Variants in PHYHD1 observed in about 807,000 individuals in gnomAD.
The protein encoded by PHYHD1 is phytanoyl-CoA dioxygenase domain-containing protein 1.
PHYHD1 carries 42 observed loss-of-function variants against 43.6 expected under a neutral mutation model. That is an observed-to-expected ratio of 0.96 (90% CI 0.75 to 1.25). PHYHD1 has a LOEUF of 1.25. PHYHD1 is among the 50% of genes most tolerant of loss of function. PHYHD1 has a pLI of 0.00. For synonymous variants in PHYHD1, 139 were observed against 143.6 expected (o/e 0.97, Z 0.23); for missense variants, 342 against 370.8 (o/e 0.92, Z 0.64).
Position 128,922,276 on chromosome 9 carries a change from C to T in PHYHD1, c.-41-7C>T. 6.5e-7 allele frequency: 1 copy of T among 1,548,928 alleles called. No homozygotes were observed. Among genetic ancestry groups the T allele is most frequent in the Non-Finnish European group, 8.7e-7 (1 of 1,146,214 alleles). On this transcript the variant is annotated splice_region_variant and splice_polypyrimidine_tract_variant and intron_variant, in intron 2 of 12. Coordinates refer to ENST00000372592, the MANE Select transcript of PHYHD1 (RefSeq NM_001100876.2). ...CCCAGGCTCCTAAACTTTCTCCTCC[C>T]CACCAGGAGGCCGCGCTTAGAAGCC...
chr9:128,928,438 C>G (rs564501060), intron 4 of PHYHD1, among the ~76,000 whole-genome samples: 21 of 152,054 alleles, frequency 1.4e-4, no homozygotes, highest in Non-Finnish European at 2.8e-4. Flanking sequence ...CGCAGTGACT[C>G]ACGCCTGTAA....
chr9:128,927,026 G>A lies in PHYHD1; in HGVS notation c.34-12G>A. Reference sequence around the variant, plus strand: ...CAGACTGGGGAAGCCTGAGTCTCAAGCCTGCCTGCAGTTCCAACAGGATGG... The same window carrying A: ...CAGACTGGGGAAGCCTGAGTCTCAAACCTGCCTGCAGTTCCAACAGGATGG... On this transcript the variant is annotated splice_polypyrimidine_tract_variant and intron_variant, in intron 3 of 12. Transcript: ENST00000372592. 1 of 1,614,132 alleles carries A rather than the reference G, an allele frequency of 6.2e-7. No individual in the cohort carries two copies. The highest frequency in any genetic ancestry group is 1.3e-5 in the African/African-American group (1 of 75,062).
chr9:128,935,636 G>A (rs1444904601), intron 6 of PHYHD1, among the ~76,000 whole-genome samples: 1 of 151,694 alleles, frequency 6.6e-6, no homozygotes, highest in Non-Finnish European at 1.5e-5. Context: ...GGGCGCGGTG[G>A]TTCACGCCTG....
At chr9:128,922,103 C>T (rs1313558383) in intron 2 of PHYHD1, 56 bp downstream of exon 2, 8 of 554,778 alleles carry the variant, frequency 1.4e-5, no homozygotes, top group Non-Finnish European at 2.6e-5. Context: ...CAGATAAAAT[C>T]CTTGGAGATG....
chr9:128,927,858 G>A (rs555590920), intron 4 of PHYHD1, among the ~76,000 whole-genome samples: 136 of 152,316 alleles, frequency 8.9e-4, no homozygotes, highest in Admixed American at 1.7e-3. Flanking sequence ...CAGCCACCTG[G>A]AATGAGCACA....
chr9:128,923,653 T>C (rs1040062439), intron 3 of PHYHD1, among the ~76,000 whole-genome samples: 3 of 152,182 alleles, frequency 2.0e-5, no homozygotes, highest in African/African-American at 4.8e-5. Flanking sequence ...AATATCCCCA[T>C]ATGTATATGT....
rs200078338 is a variant in PHYHD1, at chr9:128,941,562, C to T, written c.821C>T (p.Pro274Leu). 63 of 1,614,118 alleles carry T rather than the reference C, an allele frequency of 3.9e-5. No individual in the cohort carries two copies. The highest frequency in any genetic ancestry group is 3.3e-5 in the Admixed American group (2 of 60,016). The change falls in exon 12 of 13, where the codon CCG (proline) becomes CTG (leucine). Residue 274 changes from proline to leucine, a missense_variant. Pro to Leu is a moderately conservative substitution (Grantham distance 98). Transcript: ENST00000372592. Reference sequence around the variant, plus strand: ...GAGGCCTCTGGCACCACCTGGAGCCCGGAGAACTGGTAGGTGACAGGGTGG... The same window carrying T: ...GAGGCCTCTGGCACCACCTGGAGCCTGGAGAACTGGTAGGTGACAGGGTGG... ...LMEASGTTWS[P>L]ENWLQPTAEL...
intron 6 of PHYHD1, among the ~76,000 whole-genome samples, chr9:128,935,346 C>T (rs759769751): frequency 9.2e-5 from 14 of 152,084 alleles, no homozygotes; most frequent in Admixed American, 2.0e-4. Flanking sequence ...ATATCATTGC[C>T]GGGCGTGGTG....
Position 128,936,434 on chromosome 9 carries a change from C to T in PHYHD1, c.317-14C>T, listed in dbSNP as rs1273849990. On this transcript the variant is annotated splice_polypyrimidine_tract_variant and intron_variant, in intron 6 of 12. Coordinates refer to ENST00000372592, the MANE Select transcript of PHYHD1 (RefSeq NM_001100876.2). ...GGCCTGAGATGGGGCCGACAGCTTC[C>T]TTCTGTCCCATAGCTCTGCACGCCC... is the stretch of plus-strand genomic sequence containing the variant. The T allele has an allele frequency of 1.2e-6, 2 of 1,609,090 alleles. No homozygotes were observed. The highest frequency in any genetic ancestry group is 1.7e-6 in the Non-Finnish European group (2 of 1,178,000).
intron 4 of PHYHD1, among the ~76,000 whole-genome samples, chr9:128,932,163 A>ATTTTTTTT (rs1564540363): frequency 3.4e-4 from 42 of 125,318 alleles, no homozygotes; most frequent in African/African-American, 1.4e-3. Context: ...TATTATTATT[A>ATTTTTTTT]TTATTGTTAT....
intron 11 of PHYHD1, 100 bp downstream of exon 11, chr9:128,940,815 A>C: frequency 1.7e-6 from 2 of 1,180,038 alleles, no homozygotes; most frequent in Non-Finnish European, 2.4e-6. Context: ...GGGTCATCTG[A>C]GGGCAGTGAA....
At chr9:128,938,754 A>G (rs1362565775) in intron 9 of PHYHD1, among the ~76,000 whole-genome samples, 1 of 131,002 alleles carries the variant, frequency 7.6e-6, no homozygotes, top group East Asian at 2.1e-4. Context: ...AGTTTCCTGG[A>G]GGACGAATTC....
chr9:128,936,771 C>T (rs1464913949), intron 8 of PHYHD1, 126 bp downstream of exon 8: 6 of 1,145,036 alleles, frequency 5.2e-6, no homozygotes, highest in African/African-American at 3.1e-5. Flanking sequence ...CATGGAAAAT[C>T]GGTCTCCTCT....
At position 128,921,510 on chromosome 9, in the gene PHYHD1, G is replaced by T. The variant is rs1272926512; in HGVS notation, c.-318G>T. On this transcript the variant is annotated 5_prime_UTR_variant, in exon 1 of 13. The change creates a new upstream start codon in the 5' untranslated region. Coordinates refer to ENST00000372592, the MANE Select transcript of PHYHD1 (RefSeq NM_001100876.2). ...AGACGGGGTTTCACCGTGTTAGCCAGGATGGTCTCGATTTCCTGACCTCGT... is the reference window on the plus strand; with the variant it reads ...AGACGGGGTTTCACCGTGTTAGCCATGATGGTCTCGATTTCCTGACCTCGT... 1.3e-5 allele frequency: 2 copies of T among 152,292 alleles called. No individual in the cohort carries two copies. The highest frequency in any genetic ancestry group is 4.8e-5 in the African/African-American group (2 of 41,460). The allele number at this position is 152,292 out of a possible 1,614,324, so 9.4% of individuals were successfully genotyped here.
chr9:128,940,331 A>G, intron 9 of PHYHD1, 38 bp from the exon 10 acceptor site: 1 of 1,610,964 alleles, frequency 6.2e-7, no homozygotes, highest in South Asian at 1.1e-5. Flanking sequence ...GGAAACAGGC[A>G]AAAGGATGAG....
rs1310386156 is a variant in PHYHD1, at chr9:128,941,640, A to C, written c.831-28A>C. The C allele has an allele frequency of 1.9e-6, 3 of 1,613,996 alleles. No homozygotes were observed. In the South Asian group the frequency reaches 3.3e-5, roughly 18 times the overall value. On this transcript the variant is annotated intron_variant, in intron 12 of 12. Coordinates refer to ENST00000372592, the MANE Select transcript of PHYHD1 (RefSeq NM_001100876.2). ...GCTGGGAACAGTGACCCTGCACCTCAAGGTTGTTTCTCCTCTATCCTCTGC... is the reference window on the plus strand; with the variant it reads ...GCTGGGAACAGTGACCCTGCACCTCCAGGTTGTTTCTCCTCTATCCTCTGC...
At chr9:128,938,223 G>A (rs1311410741) in intron 9 of PHYHD1, among the ~76,000 whole-genome samples, 2 of 151,920 alleles carry the variant, frequency 1.3e-5, no homozygotes, top group South Asian at 2.1e-4. Context: ...CAGGAGAATC[G>A]CTTGAACCCA....
intron 9 of PHYHD1, among the ~76,000 whole-genome samples, chr9:128,939,646 G>A (rs1382802155): frequency 8.4e-6 from 1 of 119,752 alleles, no homozygotes; most frequent in Non-Finnish European, 1.9e-5. Context: ...TCCCTGCTTC[G>A]CACCCAACTT....
At position 128,933,811 on chromosome 9, in the gene PHYHD1, T is replaced by C. The variant is rs1841357367; in HGVS notation, c.222T>C (p.Gly74=). The C allele has an allele frequency of 1.2e-6, 2 of 1,614,142 alleles. No homozygotes were observed. The highest frequency in any genetic ancestry group is 2.2e-5 in the East Asian group (1 of 44,884). Residue 74 remains glycine, a synonymous_variant, in exon 5 of 13, where the codon GGT becomes GGC. Coordinates refer to ENST00000372592, the MANE Select transcript of PHYHD1 (RefSeq NM_001100876.2). ...GCACAGACTATTTCTTGAGCAGTGGTGACAAGATTCGATTCTTCTTTGAGA... is the reference window on the plus strand; with the variant it reads ...GCACAGACTATTTCTTGAGCAGTGGCGACAAGATTCGATTCTTCTTTGAGA... The part of the protein sequence containing the change: ...QGSTDYFLSS[G]DKIRFFFEKG...
Sources: gnomAD v4.1 joint callset for allele counts (sites outside exome capture counted in the v4.1 genomes callset) on GRCh38, gnomAD v4.1.1 for gene constraint, MANE v1.5 for transcripts, NCBI Gene and HGNC (gene_info 2026-07-23, HGNC 2026-07-21) for gene names.